Variants in CCDC141 observed in about 807,000 individuals in gnomAD.
CCDC141 encodes coiled-coil domain-containing protein 141.
CCDC141 carries 168 observed loss-of-function variants against 181.0 expected under a neutral mutation model. The ratio of observed to expected loss-of-function variants is 0.93; its 90% CI spans 0.82 to 1.05. The LOEUF (loss-of-function observed/expected upper bound fraction) is 1.05, where lower values mean the gene tolerates loss of function less well. Among genes scored for constraint, CCDC141 ranks in the 50% least tolerant of loss-of-function variants. CCDC141 has a pLI of 0.00. For missense variants in CCDC141, 1,902 were observed against 1,788.5 expected (o/e 1.06, Z -1.14); for synonymous variants, 666 against 642.3 (o/e 1.04, Z -0.56).
chr2:178,980,171 A>G (rs1199686624), intron 2 of CCDC141, among the ~76,000 whole-genome samples: 6 of 152,174 alleles, frequency 3.9e-5, no homozygotes, highest in African/African-American at 1.4e-4. Flanking sequence ...AGATAGCTTC[A>G]AGGGACCATT....
At chr2:179,009,560 T>C (rs1314507352) in intron 2 of CCDC141, among the ~76,000 whole-genome samples, 2 of 151,738 alleles carry the variant, frequency 1.3e-5, no homozygotes, top group Non-Finnish European at 2.9e-5. Context: ...CTAGCAAGTC[T>C]ACCTGGCTCC....
chr2:178,881,970 C>T (rs951529248), intron 11 of CCDC141, among the ~76,000 whole-genome samples: 21 of 147,432 alleles, frequency 1.4e-4, no homozygotes, highest in Admixed American at 1.3e-3. Flanking sequence ...CACCAGTCTA[C>T]ATTTGAAGGG....
At chr2:178,987,114 A>G (rs1406075139) in intron 2 of CCDC141, among the ~76,000 whole-genome samples, 49 of 131,490 alleles carry the variant, frequency 3.7e-4, no homozygotes, top group Non-Finnish European at 5.3e-4. Context: ...TGGTACCAAA[A>G]CAGAGATATA....
intron 13 of CCDC141, 81 bp from the exon 14 acceptor site, chr2:178,871,633 G>C: frequency 6.7e-7 from 1 of 1,485,184 alleles, no homozygotes; most frequent in Non-Finnish European, 9.1e-7. Flanking sequence ...ATGACGCAGA[G>C]TGTGATCAAA....
chr2:178,887,844 A>T (rs1019053079), intron 9 of CCDC141, among the ~76,000 whole-genome samples: 2 of 152,236 alleles, frequency 1.3e-5, no homozygotes, highest in African/African-American at 4.8e-5. Context: ...CTCTGCAGCA[A>T]GATTCATTAG....
At chr2:178,978,428 G>A in intron 3 of CCDC141, 56 bp downstream of exon 3, 1 of 1,095,466 alleles carries the variant, frequency 9.1e-7, no homozygotes, top group Non-Finnish European at 1.2e-6. Flanking sequence ...ACATTTTCAG[G>A]AGTGCTATTC....
At chr2:179,000,461 C>A (rs192279425) in intron 2 of CCDC141, among the ~76,000 whole-genome samples, 1 of 152,084 alleles carries the variant, frequency 6.6e-6, no homozygotes. Flanking sequence ...AAAATATTCA[C>A]CATCTGACCC....
intron 7 of CCDC141, among the ~76,000 whole-genome samples, chr2:178,908,987 C>G (rs1688104561): frequency 6.6e-6 from 1 of 152,144 alleles, no homozygotes; most frequent in Admixed American, 6.5e-5. Context: ...AGCATGGCCA[C>G]CTGGTGCCTG....
chr2:179,000,113 G>T (rs2041923848), intron 2 of CCDC141, among the ~76,000 whole-genome samples: 1 of 148,482 alleles, frequency 6.7e-6, no homozygotes, highest in African/African-American at 2.5e-5. Flanking sequence ...GAATCACACA[G>T]TATAGATCAT....
intron 16 of CCDC141, among the ~76,000 whole-genome samples, chr2:178,867,323 C>T (rs10185678): frequency 0.44 from 66,835 of 152,056 alleles, 15,884 homozygotes; most frequent in East Asian, 0.78. Context: ...ACCACACAAA[C>T]AATTTAAAAT....
chr2:179,006,401 C>T (rs1193886283), intron 2 of CCDC141, among the ~76,000 whole-genome samples: 1 of 152,116 alleles, frequency 6.6e-6, no homozygotes, highest in African/African-American at 2.4e-5. Flanking sequence ...TGGGAGTTTT[C>T]ATATGAAAGT....
chr2:178,838,778 T>C (rs1469526013), intron 22 of CCDC141, among the ~76,000 whole-genome samples: 1 of 152,202 alleles, frequency 6.6e-6, no homozygotes, highest in Non-Finnish European at 1.5e-5. Flanking sequence ...AATCTGAGTG[T>C]AGTCCTGCTA....
At chr2:178,861,131 T>C (rs1490341147) in intron 17 of CCDC141, among the ~76,000 whole-genome samples, 1 of 151,980 alleles carries the variant, frequency 6.6e-6, no homozygotes, top group Admixed American at 6.5e-5. Flanking sequence ...TGGGTTTTAA[T>C]GCTATCTAGA....
chr2:179,013,227 C>T (rs746037670), intron 2 of CCDC141, among the ~76,000 whole-genome samples: 32 of 152,098 alleles, frequency 2.1e-4, no homozygotes, highest in Admixed American at 5.2e-4. Context: ...CTAGGGACTC[C>T]TCCAGAAAGC....
At chr2:178,945,462 C>T (rs916259377) in intron 5 of CCDC141, among the ~76,000 whole-genome samples, 4 of 152,082 alleles carry the variant, frequency 2.6e-5, no homozygotes, top group Non-Finnish European at 5.9e-5. Flanking sequence ...TTTAGAGATG[C>T]GGTAACTGAG....
Position 178,834,349 on chromosome 2 carries a change from T to C in CCDC141, c.4417A>G (p.Lys1473Glu), listed in dbSNP as rs913480360. The C allele has an allele frequency of 1.6e-5, 25 of 1,536,136 alleles. No individual in the cohort carries two copies. Among genetic ancestry groups the C allele is most frequent in the Middle Eastern group, 1.7e-4 (1 of 6,016 alleles). Residue 1473 changes from lysine (K) to glutamate (E), a missense_variant, in exon 24 of 24, where the codon AAG (lysine) becomes GAG (glutamate). By Grantham distance (56) the Lys-to-Glu change is moderately conservative. Coordinates refer to ENST00000443758, the MANE Select transcript of CCDC141 (RefSeq NM_173648.4). ...GCCACATAGAGGCCTGCGTCTGCCT[T>C]GCATACCTTTGGAATGAACACCGAA... ...RHSVFIPKVC[K>E]ADAGLYVARA... is the part of the protein sequence containing the mutation.
chr2:178,857,997 C>T (rs145157152), intron 17 of CCDC141, among the ~76,000 whole-genome samples: 1,822 of 152,136 alleles, frequency 0.012, 21 homozygotes, highest in Middle Eastern at 0.071. Flanking sequence ...AGTGGAATTG[C>T]GAACGGAAAT....
At chr2:178,859,301 C>T (rs1264830338) in intron 17 of CCDC141, among the ~76,000 whole-genome samples, 1 of 152,168 alleles carries the variant, frequency 6.6e-6, no homozygotes, top group African/African-American at 2.4e-5. Context: ...ATTTTCTTAC[C>T]TGCACTTTCC....
In CCDC141 at chr2:178,868,340, C is replaced by T. The variant is rs944090739; in HGVS notation, c.2395-135G>A. On this transcript the variant is annotated intron_variant, in intron 15 of 23. Coordinates refer to ENST00000443758, the MANE Select transcript of CCDC141 (RefSeq NM_173648.4). ...CCATCTTTAAACTGTTGGCATTAGC[C>T]AAATAAATGTTAGAATGCTGCAAAT... The T allele has an allele frequency of 2.1e-5, 14 of 658,268 alleles. 1 individual carries two copies. The South Asian group carries it at 2.7e-4, about 13-fold the overall frequency. The allele number at this position is 658,268 out of a possible 1,614,324, so 40.8% of individuals were successfully genotyped here. A position where few individuals can be genotyped will look rare whatever the true frequency, so the allele number is the denominator to read the frequency against.
Sources: allele counts gnomAD v4.1 joint callset (sites outside exome capture counted in the v4.1 genomes callset), GRCh38; gene constraint gnomAD v4.1.1; transcripts MANE v1.5; gene names NCBI Gene and HGNC (gene_info 2026-07-23, HGNC 2026-07-21).